HIP1: variants seen among roughly 807,000 people sequenced by gnomAD.
HIP1 encodes huntingtin-interacting protein 1.
Under a neutral mutation model 147.6 loss-of-function variants are expected in HIP1, and 65 were observed. The observed-to-expected ratio is 0.44, with a 90% CI of 0.36 to 0.54. The LOEUF (loss-of-function observed/expected upper bound fraction) is 0.54, where lower values mean the gene tolerates loss of function less well. HIP1 is among the 20% of genes least tolerant of loss of function. The probability of loss-of-function intolerance (pLI) is 0.00; values close to 1 mark genes in which losing one functional copy is unlikely to be tolerated. For missense variants in HIP1, 1,061 were observed against 1,299.6 expected (o/e 0.82, Z 2.82); for synonymous variants, 479 against 504.0 (o/e 0.95, Z 0.67).
In HIP1 at chr7:75,554,468, G is replaced by T; in HGVS notation, c.2022C>A (p.Ser674Arg). 6.2e-7 allele frequency: 1 copy of T among 1,613,910 alleles called. No individual in the cohort carries two copies. ...CTGGGCAGGCCAGATACTGGCTCCA[G>T]CTTTTCTCCAGTTGCTCGATGCAGC... Reference protein sequence around the residue: ...ISSCIEQLEKSWSQYLACPED... With the variant: ...ISSCIEQLEKRWSQYLACPED... The change falls in exon 20 of 31, where the codon AGC (serine) becomes AGA (arginine). Residue 674 changes from serine (S) to arginine (R), a missense_variant. Ser to Arg is a moderately radical substitution (Grantham distance 110, BLOSUM62 -1). Transcript: ENST00000336926.
At chr7:75,540,963 A>G (rs587766024) in intron 29 of HIP1, among the ~76,000 whole-genome samples, 1 of 152,274 alleles carries the variant, frequency 6.6e-6, no homozygotes, top group African/African-American at 2.4e-5. Flanking sequence ...ATAGTGGGCA[A>G]GAGTTAAGAG....
At position 75,614,392 on chromosome 7, in the gene HIP1, G is replaced by GAC. The variant is rs148907808; in HGVS notation, c.121-15147_121-15146dup. Among the ~76,000 whole-genome samples the GAC allele has an allele frequency of 4.9e-3, 732 of 150,448 alleles. 4 individuals are homozygous for GAC. The highest frequency in any genetic ancestry group is 0.014 in the African/African-American group (570 of 41,144). On this transcript the variant is annotated intron_variant, in intron 1 of 30. Coordinates refer to ENST00000336926, the MANE Select transcript of HIP1 (RefSeq NM_005338.7). The stretch of plus-strand genomic sequence containing the variant: ...TATTTTACCACCACACACACACATA[G>GAC]ACACACACACACACACACAGTTACA...
At chr7:75,652,839 T>C (rs782193563) in intron 1 of HIP1, among the ~76,000 whole-genome samples, 1 of 152,222 alleles carries the variant, frequency 6.6e-6, no homozygotes, top group Non-Finnish European at 1.5e-5. Flanking sequence ...AGAGGCTTTA[T>C]ATCTTTTTAG....
At position 75,536,884 on chromosome 7, in the gene HIP1, A is replaced by T. The variant is rs996074307; in HGVS notation, c.*1288T>A. 2.2e-5 allele frequency: 5 copies of T among 230,974 alleles called. No individual in the cohort carries two copies. The South Asian group carries it at 9.1e-4, about 42-fold the overall frequency. 14.3% of individuals were successfully genotyped at this position (230,974 alleles called of 1,614,324 possible). A position where few individuals can be genotyped will look rare whatever the true frequency, so the allele number is the denominator to read the frequency against. On this transcript the variant is annotated 3_prime_UTR_variant, in exon 31 of 31. Coordinates refer to ENST00000336926, the MANE Select transcript of HIP1 (RefSeq NM_005338.7). ...TTTGTAGGCTGTTGCTGCTTAAGGG[A>T]GGTTAGTAATAAATACTAAGGGTAG...
intron 30 of HIP1, 113 bp from the exon 31 acceptor site, chr7:75,538,337 G>A (rs1794164065): frequency 1.2e-6 from 1 of 833,600 alleles, no homozygotes; most frequent in Admixed American, 1.8e-5. Flanking sequence ...TATAACCATG[G>A]TGTAATCACA....
At chr7:75,628,626 G>C (rs1039148190) in intron 1 of HIP1, among the ~76,000 whole-genome samples, 1 of 152,042 alleles carries the variant, frequency 6.6e-6, no homozygotes, top group South Asian at 2.1e-4. Context: ...TTACAGGCAC[G>C]TGCTGCCGCA....
At chr7:75,715,929 C>G (rs963393341) in intron 1 of HIP1, among the ~76,000 whole-genome samples, 2 of 151,832 alleles carry the variant, frequency 1.3e-5, no homozygotes, top group African/African-American at 4.8e-5. Context: ...GGGAATCAGG[C>G]GTGTCACATG....
intron 1 of HIP1, among the ~76,000 whole-genome samples, chr7:75,613,329 C>T (rs587722105): frequency 1.3e-5 from 2 of 152,124 alleles, no homozygotes; most frequent in African/African-American, 2.4e-5. Context: ...CCGTGGGGAG[C>T]CTTCTGTGCT....
At chr7:75,574,575 G>A (rs587663726) in intron 7 of HIP1, among the ~76,000 whole-genome samples, 1 of 140,466 alleles carries the variant, frequency 7.1e-6, no homozygotes, top group East Asian at 2.1e-4. Flanking sequence ...GGTGACAAGA[G>A]TAAGACACCA....
chr7:75,639,539 G>A (rs1219017902), intron 1 of HIP1, among the ~76,000 whole-genome samples: 1 of 151,644 alleles, frequency 6.6e-6, no homozygotes, highest in Non-Finnish European at 1.5e-5. Flanking sequence ...CCCGGAGCGA[G>A]AGGCCGCCGG....
chr7:75,702,493 C>T (rs993219884), intron 1 of HIP1, among the ~76,000 whole-genome samples: 3 of 152,252 alleles, frequency 2.0e-5, no homozygotes, highest in African/African-American at 7.2e-5. Flanking sequence ...ATCCACCTGC[C>T]TTGGCCTCCC....
intron 1 of HIP1, among the ~76,000 whole-genome samples, chr7:75,628,430 GATT>G (rs1393928485): frequency 2.7e-5 from 4 of 149,834 alleles, no homozygotes; most frequent in Admixed American, 2.7e-4. Flanking sequence ...ACACTATTGT[GATT>G]ATTAACATTA....
intron 29 of HIP1, 58 bp from the exon 30 acceptor site, chr7:75,539,489 AT>A: frequency 7.2e-7 from 1 of 1,388,256 alleles, no homozygotes; most frequent in Non-Finnish European, 1.0e-6. Context: ...TTTAATTTTT[AT>A]TTATTTTTTT....
chr7:75,555,305 C>G (rs1794955835), intron 19 of HIP1, 111 bp downstream of exon 19: 1 of 1,300,752 alleles, frequency 7.7e-7, no homozygotes, highest in Non-Finnish European at 1.1e-6. Flanking sequence ...GTAATGCTGA[C>G]ATGCTGCTGG....
chr7:75,586,671 C>T (rs1474459213), intron 5 of HIP1, 82 bp downstream of exon 5: 2 of 844,704 alleles, frequency 2.4e-6, no homozygotes, highest in East Asian at 5.0e-5. Context: ...CCTGAAAGAG[C>T]TGACAAATGA....
At chr7:75,708,823 G>A (rs1326272819) in intron 1 of HIP1, among the ~76,000 whole-genome samples, 8 of 151,960 alleles carry the variant, frequency 5.3e-5, no homozygotes, top group African/African-American at 1.4e-4. Context: ...TTTTCTGGAT[G>A]GTTTTGGCTA....
intron 1 of HIP1, among the ~76,000 whole-genome samples, chr7:75,688,607 G>A (rs1440286434): frequency 6.6e-6 from 1 of 152,024 alleles, no homozygotes; most frequent in Non-Finnish European, 1.5e-5. Flanking sequence ...CGCCGTCCGG[G>A]TCTGGCCCCG....
At chr7:75,640,300 G>A (rs1359611918) in intron 1 of HIP1, among the ~76,000 whole-genome samples, 1 of 152,302 alleles carries the variant, frequency 6.6e-6, no homozygotes, top group East Asian at 1.9e-4. Flanking sequence ...GAGAGGGAGA[G>A]GGAGGTGCCC....
intron 1 of HIP1, among the ~76,000 whole-genome samples, chr7:75,691,021 C>G (rs782328247): frequency 3.9e-5 from 6 of 152,058 alleles, no homozygotes; most frequent in Non-Finnish European, 7.4e-5. Flanking sequence ...AAATGTGGAT[C>G]GGCAGATGAA....
Sources: allele counts gnomAD v4.1 joint callset (sites outside exome capture counted in the v4.1 genomes callset), GRCh38; gene constraint gnomAD v4.1.1; transcripts MANE v1.5; gene names NCBI Gene and HGNC (gene_info 2026-07-23, HGNC 2026-07-21).